DHX9: variants seen among roughly 807,000 people sequenced by gnomAD.
DHX9 encodes DExH-box helicase 9.
A neutral mutation model predicts 148.7 loss-of-function variants in DHX9; 27 were observed. The observed-to-expected ratio is 0.18, with a 90% CI of 0.13 to 0.25. The LOEUF (loss-of-function observed/expected upper bound fraction) is 0.25. Ranked by LOEUF, DHX9 falls within the 10% of genes least tolerant of loss-of-function variation. The pLI is 1.00. For synonymous variants in DHX9, 529 were observed against 516.6 expected (o/e 1.02, Z -0.33); for missense variants, 796 against 1,559.6 (o/e 0.51, Z 8.25).
At chr1:182,886,004 A>G (rs1022301355) in intron 27 of DHX9, among the ~76,000 whole-genome samples, 1 of 152,212 alleles carries the variant, frequency 6.6e-6, no homozygotes, top group Admixed American at 6.5e-5. Context: ...AAGAGAGTTT[A>G]GGATGTATGA....
At chr1:182,856,192 C>T (rs1270539982) in intron 6 of DHX9, among the ~76,000 whole-genome samples, 4 of 152,256 alleles carry the variant, frequency 2.6e-5, no homozygotes, top group East Asian at 1.9e-4. Flanking sequence ...TTTCTTGGCT[C>T]CAAGCTAAGT....
intron 18 of DHX9, 119 bp downstream of exon 18, chr1:182,876,660 G>A (rs1648818346): frequency 9.9e-7 from 1 of 1,009,656 alleles, no homozygotes; most frequent in Middle Eastern, 3.2e-4. Flanking sequence ...GAAGAAAAAA[G>A]GAGTCTTCTC....
chr1:182,853,444 C>A (rs775657037), intron 5 of DHX9, 26 bp downstream of exon 5: 1 of 1,539,090 alleles, frequency 6.5e-7, no homozygotes, highest in Non-Finnish European at 8.9e-7. Context: ...TAGGTTACAT[C>A]TCTGAGAATG....
intron 3 of DHX9, among the ~76,000 whole-genome samples, chr1:182,851,075 T>C (rs1179734170): frequency 2.0e-5 from 3 of 152,186 alleles, no homozygotes; most frequent in Non-Finnish European, 4.4e-5. Flanking sequence ...AGTGAATTTT[T>C]CCTGTGCCTT....
At position 182,865,980 on chromosome 1, in the gene DHX9, C is replaced by T. The variant is rs542758675; in HGVS notation, c.1333-464C>T. 8.5e-5 allele frequency among the ~76,000 whole-genome samples: 13 copies of T among 152,274 alleles called. 1 individual carries two copies. In the South Asian group the frequency reaches 2.7e-3, roughly 32 times the overall value. ...AAAAACAGTGATTTCAGTTTCCTTT[C>T]TCTGGCACCTGATGCAAAAGTGCAT... On this transcript the variant is annotated intron_variant, in intron 12 of 27. Coordinates refer to ENST00000367549, the MANE Select transcript of DHX9 (RefSeq NM_001357.5).
intron 27 of DHX9, among the ~76,000 whole-genome samples, chr1:182,885,786 T>C (rs778886220): frequency 6.6e-6 from 1 of 152,218 alleles, no homozygotes; most frequent in Non-Finnish European, 1.5e-5. Flanking sequence ...GTGCTCTTAC[T>C]ATGCTATTCT....
At chr1:182,865,941 T>C (rs1480370271) in intron 12 of DHX9, among the ~76,000 whole-genome samples, 3 of 152,224 alleles carry the variant, frequency 2.0e-5, no homozygotes, top group Non-Finnish European at 4.4e-5. Context: ...TTTTTCCTGC[T>C]ATGTGAGCTC....
chr1:182,881,898 A>G (rs1372270525), intron 24 of DHX9, among the ~76,000 whole-genome samples: 2 of 152,238 alleles, frequency 1.3e-5, no homozygotes, highest in East Asian at 1.9e-4. Flanking sequence ...TAAATTTTAA[A>G]TGACTTTAAT....
Position 182,857,913 on chromosome 1 carries a change from A to T in DHX9, c.674-191A>T, listed in dbSNP as rs565382973. ...CAGCCAGTAATCAAAACTGTTGGTTATTTAGTTGATAAGCTGTTTGGCAAT... is the reference window on the plus strand; with the variant it reads ...CAGCCAGTAATCAAAACTGTTGGTTTTTTAGTTGATAAGCTGTTTGGCAAT... On this transcript the variant is annotated intron_variant, in intron 7 of 27. Transcript: ENST00000367549. Among the ~76,000 whole-genome samples, 39 of 152,322 alleles carry T rather than the reference A, an allele frequency of 2.6e-4. 1 individual carries two copies. In the South Asian group the frequency reaches 7.9e-3, roughly 31 times the overall value.
Position 182,842,785 on chromosome 1 carries a change from G to A in DHX9, c.111+108G>A, listed in dbSNP as rs192144844. The A allele has an allele frequency of 1.7e-4, 127 of 762,282 alleles. 1 individual carries two copies. The Middle Eastern group carries it at 3.5e-3, about 21-fold the overall frequency. 47.2% of individuals were successfully genotyped at this position (762,282 alleles called of 1,614,324 possible). A position where few individuals can be genotyped will look rare whatever the true frequency, so the allele number is the denominator to read the frequency against. On this transcript the variant is annotated intron_variant, in intron 2 of 27. Coordinates refer to ENST00000367549, the MANE Select transcript of DHX9 (RefSeq NM_001357.5). ...GTTAATGTGTTGCACATTAGGAAACGACAGTTCTTTATTGTGACTTGACTG... is the reference window on the plus strand; with the variant it reads ...GTTAATGTGTTGCACATTAGGAAACAACAGTTCTTTATTGTGACTTGACTG...
intron 27 of DHX9, 136 bp from the exon 28 acceptor site, chr1:182,886,947 A>C: frequency 1.3e-6 from 1 of 764,176 alleles, no homozygotes. Flanking sequence ...GATCAATTTT[A>C]TTTCAATTTC....
At chr1:182,886,120 G>C (rs1649311619) in intron 27 of DHX9, among the ~76,000 whole-genome samples, 1 of 152,018 alleles carries the variant, frequency 6.6e-6, no homozygotes, top group Non-Finnish European at 1.5e-5. Flanking sequence ...GACTAAAATG[G>C]AATAGTGCAA....
chr1:182,869,124 A>G (rs1463016806), intron 14 of DHX9, among the ~76,000 whole-genome samples: 1 of 152,200 alleles, frequency 6.6e-6, no homozygotes, highest in Non-Finnish European at 1.5e-5. Flanking sequence ...AGCTTAAGCA[A>G]CTTAAGATGT....
At chr1:182,840,961 T>G (rs78162329) in intron 1 of DHX9, among the ~76,000 whole-genome samples, 5,069 of 152,158 alleles carry the variant, frequency 0.033, 202 homozygotes, top group African/African-American at 0.09. Flanking sequence ...AATGGGTGAG[T>G]TAGTGCCACA....
In DHX9 at chr1:182,848,573, GTT is replaced by G. The variant is rs200338959; in HGVS notation, c.253-3655_253-3654del. Among the ~76,000 whole-genome samples, 776 of 152,172 alleles carry G rather than the reference GTT, an allele frequency of 5.1e-3. 11 individuals carry two copies. Among genetic ancestry groups the G allele is most frequent in the African/African-American group, 0.018 (741 of 41,526 alleles). ...CCTGGTCTATAGCAGATACTTAAAT[GTT>G]TTTTGGTTGACTGAGTAAATGAATG... On this transcript the variant is annotated intron_variant, in intron 3 of 27. Transcript: ENST00000367549.
intron 3 of DHX9, among the ~76,000 whole-genome samples, chr1:182,847,090 T>G (rs560863615): frequency 1.6e-4 from 24 of 152,200 alleles, no homozygotes; most frequent in South Asian, 2.1e-4. Context: ...GGCATTTCTT[T>G]TCATTCGTTA....
intron 20 of DHX9, 62 bp downstream of exon 20, chr1:182,878,235 T>C: frequency 6.4e-7 from 1 of 1,556,398 alleles, no homozygotes; most frequent in Non-Finnish European, 8.7e-7. Context: ...GGGACAGATG[T>C]GTGCAGTTAT....
chr1:182,861,172 T>C (rs1218893772), intron 12 of DHX9, among the ~76,000 whole-genome samples: 1 of 152,176 alleles, frequency 6.6e-6, no homozygotes, highest in African/African-American at 2.4e-5. Flanking sequence ...GTATATTTTA[T>C]GTGAGAATTG....
rs1223137295 is a variant in DHX9 at position 182,883,135 on chromosome 1, A to T, written c.2915-4A>T. The T allele has an allele frequency of 6.2e-7, 1 of 1,610,166 alleles. No homozygotes were observed. ...TTTTGTTTTCACTGTGCTCCTCTTA[A>T]CAGATTGTTTGTTGACACAAGTGTT... On this transcript the variant is annotated splice_polypyrimidine_tract_variant and splice_region_variant and intron_variant, in intron 24 of 27. Transcript: ENST00000367549.
Sources: allele counts gnomAD v4.1 joint callset (sites outside exome capture counted in the v4.1 genomes callset), GRCh38; gene constraint gnomAD v4.1.1; transcripts MANE v1.5; gene names NCBI Gene and HGNC (gene_info 2026-07-23, HGNC 2026-07-21).